Variants in NALF1 observed in about 807,000 individuals in gnomAD.
NALF1 encodes the protein NALCN channel auxiliary factor 1, also known as family with sequence similarity 155 member A.
Under a neutral mutation model 48.4 loss-of-function variants are expected in NALF1, and 3 were observed. That is an observed-to-expected ratio of 0.06 (90% CI 0.03 to 0.16). The LOEUF (loss-of-function observed/expected upper bound fraction) is 0.16, where lower values mean the gene tolerates loss of function less well. Among genes scored for constraint, NALF1 ranks in the 10% least tolerant of loss-of-function variants. NALF1 has a pLI of 1.00. For synonymous variants in NALF1, 262 were observed against 245.7 expected, an observed-to-expected ratio of 1.07 and a Z score of -0.62; for missense variants, 526 against 571.5, an observed-to-expected ratio of 0.92 and a Z score of 0.81.
intron 1 of NALF1, among the ~76,000 whole-genome samples, chr13:107,244,393 T>C (rs1035638452): frequency 6.6e-6 from 1 of 152,256 alleles, no homozygotes. Flanking sequence ...AAAAGCTATA[T>C]GAGCTTTATC....
intron 1 of NALF1, among the ~76,000 whole-genome samples, chr13:107,328,292 A>G: frequency 6.6e-6 from 1 of 151,576 alleles, no homozygotes. Context: ...ACACACACAC[A>G]CACACACACA....
At chr13:107,442,268 C>T (rs1355404707) in intron 1 of NALF1, among the ~76,000 whole-genome samples, 2 of 152,134 alleles carry the variant, frequency 1.3e-5, no homozygotes, top group Admixed American at 1.3e-4. Context: ...TCAGTAAGAA[C>T]AATTTAGAAT....
At chr13:107,185,496 C>A (rs948251159) in intron 2 of NALF1, among the ~76,000 whole-genome samples, 1 of 149,376 alleles carries the variant, frequency 6.7e-6, no homozygotes, top group Non-Finnish European at 1.5e-5. Context: ...TTATCCTACT[C>A]CAGTTAGTTC....
chr13:107,615,744 C>CACTA (rs953295823), intron 1 of NALF1, among the ~76,000 whole-genome samples: 12 of 152,304 alleles, frequency 7.9e-5, no homozygotes, highest in Admixed American at 4.6e-4. Flanking sequence ...TTTTCTTTTA[C>CACTA]ACTAGGTAGG....
intron 1 of NALF1, among the ~76,000 whole-genome samples, chr13:107,434,250 A>G (rs1457640156): frequency 6.6e-6 from 1 of 152,152 alleles, no homozygotes; most frequent in Non-Finnish European, 1.5e-5. Flanking sequence ...CTCATTTTTC[A>G]ATTTCTATAT....
chr13:107,263,249 G>GACACACAC (rs34637583), intron 1 of NALF1, among the ~76,000 whole-genome samples: 9,770 of 138,328 alleles, frequency 0.071, 393 homozygotes, highest in Non-Finnish European at 0.084. Flanking sequence ...AATGCTAACA[G>GACACACAC]ACACACACAC....
At chr13:107,764,234 T>C (rs555628496) in intron 1 of NALF1, among the ~76,000 whole-genome samples, 1 of 152,286 alleles carries the variant, frequency 6.6e-6, no homozygotes, top group South Asian at 2.1e-4. Flanking sequence ...GATGTTTGTA[T>C]ATATGATGTT....
intron 1 of NALF1, among the ~76,000 whole-genome samples, chr13:107,373,027 A>G (rs571178672): frequency 8.5e-5 from 13 of 152,302 alleles, no homozygotes; most frequent in Non-Finnish European, 1.6e-4. Flanking sequence ...GGGGATGATA[A>G]TAATACAGGC....
intron 1 of NALF1, among the ~76,000 whole-genome samples, chr13:107,607,238 G>A (rs1453837996): frequency 6.6e-6 from 1 of 152,062 alleles, no homozygotes; most frequent in East Asian, 1.9e-4. Flanking sequence ...AAAAATAAGA[G>A]TACTGCATAG....
At chr13:107,790,868 C>G (rs895613326) in intron 1 of NALF1, among the ~76,000 whole-genome samples, 1 of 152,020 alleles carries the variant, frequency 6.6e-6, no homozygotes, top group African/African-American at 2.4e-5. Flanking sequence ...AGACTTATAA[C>G]AGTGTTACAT....
intron 1 of NALF1, among the ~76,000 whole-genome samples, chr13:107,220,929 GAAATGTATATAATA>G (rs1028359685): frequency 6.6e-6 from 1 of 151,496 alleles, no homozygotes; most frequent in Non-Finnish European, 1.5e-5. Flanking sequence ...AGGAGATAAT[GAAATGTATATAATA>G]TAAACACCAT....
chr13:107,426,049 A>G (rs1488343079), intron 1 of NALF1, among the ~76,000 whole-genome samples: 3 of 152,002 alleles, frequency 2.0e-5, no homozygotes, highest in Middle Eastern at 3.2e-3. Context: ...TCAGGACCTT[A>G]CTCGCTGCTG....
intron 1 of NALF1, among the ~76,000 whole-genome samples, chr13:107,546,245 T>C (rs1480096538): frequency 1.3e-5 from 2 of 152,152 alleles, no homozygotes; most frequent in Admixed American, 1.3e-4. Context: ...GAGGGAAAGC[T>C]GCCACTTGAA....
intron 1 of NALF1, among the ~76,000 whole-genome samples, chr13:107,849,920 A>G (rs1316989367): frequency 6.6e-6 from 1 of 152,214 alleles, no homozygotes; most frequent in Non-Finnish European, 1.5e-5. Context: ...TATCATGTAA[A>G]TTATTCATGT....
chr13:107,774,398 G>A (rs780776088), intron 1 of NALF1, among the ~76,000 whole-genome samples: 166 of 152,214 alleles, frequency 1.1e-3, no homozygotes, highest in Non-Finnish European at 1.3e-3. Context: ...ATTTTGTTAC[G>A]GGATTTCTTT....
At chr13:107,694,979 G>T (rs1276409362) in intron 1 of NALF1, among the ~76,000 whole-genome samples, 1 of 152,036 alleles carries the variant, frequency 6.6e-6, no homozygotes, top group Non-Finnish European at 1.5e-5. Flanking sequence ...TTTTAGCAGA[G>T]ACGGGGTTTC....
At chr13:107,523,294 G>C (rs1344249888) in intron 1 of NALF1, among the ~76,000 whole-genome samples, 1 of 152,164 alleles carries the variant, frequency 6.6e-6, no homozygotes, top group Non-Finnish European at 1.5e-5. Flanking sequence ...AGGTGGCATA[G>C]TTTAATGTTC....
At chr13:107,424,411 T>A (rs1233537950) in intron 1 of NALF1, among the ~76,000 whole-genome samples, 1 of 152,114 alleles carries the variant, frequency 6.6e-6, no homozygotes, top group East Asian at 1.9e-4. Context: ...GGGTTGAGAT[T>A]AACAGGCAGG....
chr13:107,626,923 T>C (rs534405025), intron 1 of NALF1, among the ~76,000 whole-genome samples: 2 of 152,240 alleles, frequency 1.3e-5, no homozygotes, highest in East Asian at 3.9e-4. Context: ...AACATTTTTA[T>C]ATCTCATTCT....
Sources: gnomAD v4.1 joint callset for allele counts (sites outside exome capture counted in the v4.1 genomes callset) on GRCh38, gnomAD v4.1.1 for gene constraint, MANE v1.5 for transcripts, NCBI Gene and HGNC (gene_info 2026-07-23, HGNC 2026-07-21) for gene names.